TBC1D22B: variants seen among roughly 807,000 people sequenced by gnomAD.
TBC1D22B encodes the protein TBC1 domain family member 22B.
Under a neutral mutation model 69.1 loss-of-function variants are expected in TBC1D22B, and 32 were observed. That is an observed-to-expected ratio of 0.46 (90% CI 0.35 to 0.62). TBC1D22B has a LOEUF of 0.62. Ranked by LOEUF, TBC1D22B falls within the 20% of genes least tolerant of loss-of-function variation. The pLI is 0.00. For missense variants in TBC1D22B, 462 were observed against 630.9 expected (o/e 0.73, Z 2.87); for synonymous variants, 206 against 229.8 (o/e 0.90, Z 0.94).
intron 12 of TBC1D22B, chr6:37,324,508 G>A (rs1768338151): frequency 2.7e-6 from 1 of 373,550 alleles, no homozygotes; most frequent in South Asian, 2.0e-5. Flanking sequence ...TGAGCTGCCT[G>A]CTGGGTCCAG....
intron 2 of TBC1D22B, among the ~76,000 whole-genome samples, chr6:37,276,807 C>T (rs561315496): frequency 6.6e-6 from 1 of 152,200 alleles, no homozygotes; most frequent in Admixed American, 6.5e-5. Flanking sequence ...AAGAGAATCG[C>T]CTGAACCGAG....
At chr6:37,280,985 A>G (rs1285510906) in intron 3 of TBC1D22B, among the ~76,000 whole-genome samples, 1 of 152,234 alleles carries the variant, frequency 6.6e-6, no homozygotes, top group East Asian at 1.9e-4. Context: ...ATCCCAGCCA[A>G]CTGCCTCGTG....
At chr6:37,263,977 C>A (rs762328231) in intron 1 of TBC1D22B, among the ~76,000 whole-genome samples, 16 of 151,648 alleles carry the variant, frequency 1.1e-4, no homozygotes, top group Non-Finnish European at 1.9e-4. Context: ...ATTTTCTGTA[C>A]TTTTCTTTGT....
chr6:37,265,942 A>G (rs1338786096), intron 1 of TBC1D22B, among the ~76,000 whole-genome samples: 1 of 152,190 alleles, frequency 6.6e-6, no homozygotes, highest in African/African-American at 2.4e-5. Flanking sequence ...TTCAATTTCT[A>G]AATGTTGAGT....
chr6:37,325,523 C>G (rs1581637202), intron 12 of TBC1D22B, among the ~76,000 whole-genome samples: 2 of 150,736 alleles, frequency 1.3e-5, no homozygotes, highest in East Asian at 3.9e-4. Flanking sequence ...ATCCCCCAGC[C>G]ATAATTATCG....
Position 37,321,822 on chromosome 6 carries a change from T to C in TBC1D22B, c.1389+4616T>C, listed in dbSNP as rs367650433. On this transcript the variant is annotated intron_variant, in intron 12 of 12. Transcript: ENST00000373491. Reference sequence around the variant, plus strand: ...TAGATCAGTGGCTGGGGAGGCCGTGTTGACTGGGGAGGAGCATGAGTCTCT... The same window carrying C: ...TAGATCAGTGGCTGGGGAGGCCGTGCTGACTGGGGAGGAGCATGAGTCTCT... Among the ~76,000 whole-genome samples the C allele has an allele frequency of 2.6e-5, 4 of 152,280 alleles. No homozygotes were observed. The East Asian group carries it at 5.8e-4, about 22-fold the overall frequency.
chr6:37,323,370 A>G (rs574921575), intron 12 of TBC1D22B, among the ~76,000 whole-genome samples: 2 of 152,168 alleles, frequency 1.3e-5, no homozygotes, highest in African/African-American at 4.8e-5. Flanking sequence ...TCTAAAAAAA[A>G]TATTTAAAAA....
intron 12 of TBC1D22B, chr6:37,324,462 A>G (rs1040479356): frequency 1.7e-5 from 7 of 417,008 alleles, no homozygotes; most frequent in African/African-American, 1.4e-4. Context: ...ACTGTGGCCT[A>G]TTATGCACCA....
chr6:37,286,595 G>T (rs1352248885), intron 6 of TBC1D22B, among the ~76,000 whole-genome samples: 1 of 151,028 alleles, frequency 6.6e-6, no homozygotes, highest in Non-Finnish European at 1.5e-5. Context: ...GATTACAGGC[G>T]TGAGCCACCG....
At chr6:37,269,691 A>G in intron 2 of TBC1D22B, 41 bp downstream of exon 2, 1 of 1,559,538 alleles carries the variant, frequency 6.4e-7, no homozygotes, top group African/African-American at 1.4e-5. Flanking sequence ...TACTGCTGTC[A>G]CCCCTATACC....
At chr6:37,307,126 A>G (rs1169278470) in intron 8 of TBC1D22B, among the ~76,000 whole-genome samples, 1 of 152,190 alleles carries the variant, frequency 6.6e-6, no homozygotes, top group Non-Finnish European at 1.5e-5. Flanking sequence ...TTTCCTGAAA[A>G]TGCCAGATGC....
chr6:37,330,159 C>G (rs1768538664), intron 12 of TBC1D22B, among the ~76,000 whole-genome samples: 1 of 150,380 alleles, frequency 6.6e-6, no homozygotes, highest in African/African-American at 2.5e-5. Context: ...TGTAGGCAGT[C>G]CTTATGGATT....
chr6:37,298,689 G>A (rs955893971), intron 8 of TBC1D22B, among the ~76,000 whole-genome samples: 1 of 151,960 alleles, frequency 6.6e-6, no homozygotes, highest in Non-Finnish European at 1.5e-5. Context: ...GGGACTACAG[G>A]CGCCCGCCAC....
chr6:37,327,444 C>G (rs1269814131), intron 12 of TBC1D22B, among the ~76,000 whole-genome samples: 2 of 75,462 alleles, frequency 2.7e-5, no homozygotes, highest in Non-Finnish European at 4.4e-5. Flanking sequence ...TGCCACTGCA[C>G]TCCAGCCTGG....
intron 12 of TBC1D22B, among the ~76,000 whole-genome samples, chr6:37,326,782 C>T (rs112475018): frequency 2.8e-5 from 4 of 145,038 alleles, no homozygotes; most frequent in Non-Finnish European, 5.9e-5. Context: ...AGCGAGACTA[C>T]GTCTCAAAAA....
intron 10 of TBC1D22B, among the ~76,000 whole-genome samples, chr6:37,314,585 C>T (rs1369559573): frequency 6.6e-6 from 1 of 152,192 alleles, no homozygotes; most frequent in Non-Finnish European, 1.5e-5. Context: ...TCAGGAAGCT[C>T]TGCTGTTGAC....
At chr6:37,324,591 C>T (rs547898992) in intron 12 of TBC1D22B, among the ~76,000 whole-genome samples, 15 of 151,800 alleles carry the variant, frequency 9.9e-5, no homozygotes, top group South Asian at 4.2e-4. Context: ...AGTGTGACAC[C>T]AATATGGCAT....
chr6:37,283,827 G>A (rs1479501253), intron 5 of TBC1D22B, among the ~76,000 whole-genome samples: 1 of 152,218 alleles, frequency 6.6e-6, no homozygotes, highest in African/African-American at 2.4e-5. Flanking sequence ...GTAGCTGTAT[G>A]TCACAGATTC....
Position 37,257,910 on chromosome 6 carries a change from C to G in TBC1D22B, c.-8C>G, listed in dbSNP as rs779851902. The G allele has an allele frequency of 1.9e-6, 3 of 1,613,244 alleles. No homozygotes were observed. In the African/African-American group the frequency reaches 4.0e-5, roughly 22 times the overall value. ...GCCCGCCTACAAGGACTTCCCCCGG[C>G]CAGAGCAATGGCCGCTGAGAACAGC... On this transcript the variant is annotated 5_prime_UTR_variant, in exon 1 of 13. Coordinates refer to ENST00000373491, the MANE Select transcript of TBC1D22B (RefSeq NM_017772.4).
Sources: gnomAD v4.1 joint callset for allele counts (sites outside exome capture counted in the v4.1 genomes callset) on GRCh38, gnomAD v4.1.1 for gene constraint, MANE v1.5 for transcripts, NCBI Gene and HGNC (gene_info 2026-07-23, HGNC 2026-07-21) for gene names.